TTC7B: variants seen among roughly 807,000 people sequenced by gnomAD.
The protein encoded by TTC7B is tetratricopeptide repeat protein 7B.
In TTC7B, 28 loss-of-function variants were observed where a neutral mutation model predicts 106.8. The observed-to-expected ratio is 0.26, with a 90% CI of 0.19 to 0.36. The LOEUF is 0.36. Among genes scored for constraint, TTC7B ranks in the 10% least tolerant of loss-of-function variants. The pLI, the probability that TTC7B is intolerant of heterozygous loss-of-function variation, is 1.00. For missense variants in TTC7B, 862 were observed against 1,076.4 expected (o/e 0.80, Z 2.79); for synonymous variants, 405 against 430.6 (o/e 0.94, Z 0.74).
chr14:90,567,112 C>G (rs1403588379), intron 19 of TTC7B, among the ~76,000 whole-genome samples: 1 of 152,174 alleles, frequency 6.6e-6, no homozygotes, highest in African/African-American at 2.4e-5. Flanking sequence ...GGGAGAGAGG[C>G]CTGCCTTGGC....
At chr14:90,651,422 T>G (rs1885710831) in intron 13 of TTC7B, among the ~76,000 whole-genome samples, 1 of 152,228 alleles carries the variant, frequency 6.6e-6, no homozygotes, top group Admixed American at 6.5e-5. Flanking sequence ...TTCAGGCCAA[T>G]GGAGCAGCTG....
At chr14:90,565,113 T>G (rs1890734400) in intron 19 of TTC7B, among the ~76,000 whole-genome samples, 1 of 152,182 alleles carries the variant, frequency 6.6e-6, no homozygotes, top group Non-Finnish European at 1.5e-5. Flanking sequence ...TCTCTCAGCC[T>G]TCAGAGAACT....
At chr14:90,576,151 G>A (rs1891255927) in intron 19 of TTC7B, among the ~76,000 whole-genome samples, 1 of 152,130 alleles carries the variant, frequency 6.6e-6, no homozygotes, top group Non-Finnish European at 1.5e-5. Flanking sequence ...TGTTCCCCTT[G>A]GGGATGAACA....
At chr14:90,550,868 A>G (rs1445900130) in intron 19 of TTC7B, among the ~76,000 whole-genome samples, 2 of 152,060 alleles carry the variant, frequency 1.3e-5, no homozygotes, top group African/African-American at 4.8e-5. Context: ...AGGGAAGGAG[A>G]AGTCCCAAAG....
chr14:90,741,883 T>A (rs1209557506), intron 4 of TTC7B, among the ~76,000 whole-genome samples: 2 of 152,144 alleles, frequency 1.3e-5, no homozygotes, highest in Non-Finnish European at 2.9e-5. Context: ...TGCTAATATC[T>A]CAGCTTGCTG....
chr14:90,733,360 G>A (rs890427611), intron 4 of TTC7B, among the ~76,000 whole-genome samples: 4 of 152,154 alleles, frequency 2.6e-5, no homozygotes, highest in African/African-American at 7.2e-5. Context: ...TCCACAGCCC[G>A]GCTCCTTCTC....
At chr14:90,794,970 A>T (rs954529378) in intron 1 of TTC7B, among the ~76,000 whole-genome samples, 2 of 152,118 alleles carry the variant, frequency 1.3e-5, no homozygotes, top group Non-Finnish European at 2.9e-5. Flanking sequence ...TGGGCTCCCA[A>T]TTCAGAACCC....
intron 19 of TTC7B, among the ~76,000 whole-genome samples, chr14:90,564,550 C>T (rs959630321): frequency 6.6e-6 from 1 of 152,164 alleles, no homozygotes; most frequent in Admixed American, 6.5e-5. Flanking sequence ...ACTGACTTCT[C>T]CTTTGTAGCT....
chr14:90,639,968 A>G (rs1362927060), intron 15 of TTC7B, among the ~76,000 whole-genome samples: 1 of 152,220 alleles, frequency 6.6e-6, no homozygotes, highest in Non-Finnish European at 1.5e-5. Context: ...AAAACAGGCA[A>G]AACACAATTT....
intron 3 of TTC7B, among the ~76,000 whole-genome samples, chr14:90,751,697 T>C (rs1890142425): frequency 6.6e-6 from 1 of 152,138 alleles, no homozygotes; most frequent in Non-Finnish European, 1.5e-5. Context: ...CCCAAAGTGT[T>C]GGGATTATAG....
At chr14:90,628,860 C>A (rs1020508886) in intron 15 of TTC7B, among the ~76,000 whole-genome samples, 1 of 152,278 alleles carries the variant, frequency 6.6e-6, no homozygotes, top group African/African-American at 2.4e-5. Context: ...TTCCACTGTG[C>A]CAAGGGACAC....
At chr14:90,701,709 T>TAC (rs949706676) in intron 5 of TTC7B, among the ~76,000 whole-genome samples, 18 of 150,176 alleles carry the variant, frequency 1.2e-4, no homozygotes, top group East Asian at 7.8e-4. Context: ...TATATATATA[T>TAC]ACACACACAC....
At chr14:90,630,370 G>A (rs533438585) in intron 15 of TTC7B, among the ~76,000 whole-genome samples, 17 of 152,236 alleles carry the variant, frequency 1.1e-4, no homozygotes, top group South Asian at 4.2e-4. Flanking sequence ...ATGCAGAGCC[G>A]GAGAATCTCA....
intron 19 of TTC7B, among the ~76,000 whole-genome samples, chr14:90,549,583 T>G (rs926257108): frequency 1.3e-5 from 2 of 152,158 alleles, no homozygotes; most frequent in Non-Finnish European, 2.9e-5. Context: ...TGGCTGCTGC[T>G]GGTGGCTTCT....
chr14:90,571,969 T>C lies in TTC7B; in HGVS notation c.2310+6137A>G, dbSNP rs150704753. ...GGAAGTTCATCATCTTCATGCTGAA[T>C]CTCTCCTCCCACAGGGACACAAACT... is the stretch of plus-strand genomic sequence containing the variant. On this transcript the variant is annotated intron_variant, in intron 19 of 19. Coordinates refer to ENST00000328459, the MANE Select transcript of TTC7B (RefSeq NM_001010854.2). Among the ~76,000 whole-genome samples, 318 of 152,224 alleles carry C rather than the reference T, an allele frequency of 2.1e-3. 3 individuals are homozygous for C. Among genetic ancestry groups the C allele is most frequent in the African/African-American group, 7.3e-3 (303 of 41,542 alleles).
intron 2 of TTC7B, 74 bp from the exon 3 acceptor site, chr14:90,780,980 G>T (rs1891203044): frequency 2.1e-6 from 3 of 1,401,546 alleles, no homozygotes; most frequent in East Asian, 2.3e-5. Flanking sequence ...AGTCTGGCCA[G>T]CTGCTGCCGT....
chr14:90,727,864 T>G (rs1389580558), intron 5 of TTC7B, among the ~76,000 whole-genome samples: 1 of 152,160 alleles, frequency 6.6e-6, no homozygotes, highest in Non-Finnish European at 1.5e-5. Context: ...GTGAGACAAC[T>G]GGGAGCAAGT....
intron 5 of TTC7B, 124 bp from the exon 6 acceptor site, chr14:90,695,702 C>T: frequency 4.3e-6 from 2 of 462,538 alleles, no homozygotes; most frequent in Non-Finnish European, 7.4e-6. Context: ...CAAACGATTA[C>T]TCTGCACATG....
At chr14:90,614,479 T>C (rs1892990041) in intron 16 of TTC7B, among the ~76,000 whole-genome samples, 1 of 152,164 alleles carries the variant, frequency 6.6e-6, no homozygotes, top group Admixed American at 6.5e-5. Flanking sequence ...TGTCACCTCA[T>C]GGGTACATGA....
Sources: allele counts gnomAD v4.1 joint callset (sites outside exome capture counted in the v4.1 genomes callset), GRCh38; gene constraint gnomAD v4.1.1; transcripts MANE v1.5; gene names NCBI Gene and HGNC (gene_info 2026-07-23, HGNC 2026-07-21).